Variants in GRM5 observed in about 807,000 individuals in gnomAD.
The protein encoded by GRM5 is metabotropic glutamate receptor 5.
GRM5 carries 19 observed loss-of-function variants against 83.1 expected under a neutral mutation model. The ratio of observed to expected loss-of-function variants is 0.23; its 90% CI spans 0.16 to 0.34. The LOEUF (loss-of-function observed/expected upper bound fraction) is 0.34, where lower values mean the gene tolerates loss of function less well. Among genes scored for constraint, GRM5 ranks in the 10% least tolerant of loss-of-function variants. GRM5 has a pLI of 1.00. For missense variants in GRM5, 1,160 were observed against 1,588.3 expected (o/e 0.73, Z 4.58); for synonymous variants, 675 against 633.6 (o/e 1.07, Z -0.98).
intron 3 of GRM5, among the ~76,000 whole-genome samples, chr11:88,694,637 G>T (rs1940859362): frequency 1.3e-5 from 2 of 151,776 alleles, no homozygotes; most frequent in Admixed American, 1.3e-4. Flanking sequence ...ATTCTTCAGG[G>T]TCCCAGATGC....
intron 3 of GRM5, among the ~76,000 whole-genome samples, chr11:88,724,378 T>C (rs1480440082): frequency 1.4e-5 from 2 of 147,354 alleles, no homozygotes; most frequent in Admixed American, 1.4e-4. Context: ...TAAAGTTACT[T>C]GCTTCCCAAT....
At chr11:88,583,987 A>AT (rs1455684059) in intron 7 of GRM5, among the ~76,000 whole-genome samples, 1 of 152,074 alleles carries the variant, frequency 6.6e-6, no homozygotes, top group Admixed American at 6.6e-5. Context: ...ATTCACATGG[A>AT]TTTTTGCAAA....
intron 8 of GRM5, among the ~76,000 whole-genome samples, chr11:88,548,864 G>A (rs958527670): frequency 6.6e-6 from 1 of 152,152 alleles, no homozygotes; most frequent in African/African-American, 2.4e-5. Flanking sequence ...AATCTTTGCT[G>A]GTCACCCAGC....
intron 4 of GRM5, among the ~76,000 whole-genome samples, chr11:88,613,216 AT>A (rs1355583771): frequency 6.6e-6 from 1 of 152,098 alleles, no homozygotes; most frequent in Non-Finnish European, 1.5e-5. Context: ...ATTAGCTCCA[AT>A]TGGTCAAGTC....
Position 88,762,730 on chromosome 11 carries a change from A to G in GRM5, c.911+87176T>C, listed in dbSNP as rs762929649. ...TTCTATCATAAAGACACATGCACAT[A>G]TAAGTTATTCATAATAGTAAAGACA... On this transcript the variant is annotated intron_variant, in intron 3 of 9. Transcript: ENST00000305447. 7.3e-5 allele frequency among the ~76,000 whole-genome samples: 11 copies of G among 151,290 alleles called. No homozygotes were observed. In the South Asian group the frequency reaches 1.2e-3, roughly 17 times the overall value.
chr11:89,004,043 T>C (rs1390664781), intron 2 of GRM5, among the ~76,000 whole-genome samples: 2 of 152,158 alleles, frequency 1.3e-5, no homozygotes, highest in African/African-American at 2.4e-5. Flanking sequence ...GCAAGATCAA[T>C]AGTGAGTTGT....
chr11:88,529,300 G>C (rs796927719), intron 8 of GRM5, among the ~76,000 whole-genome samples: 15 of 151,530 alleles, frequency 9.9e-5, no homozygotes, highest in African/African-American at 3.4e-4. Context: ...AACAATGTAA[G>C]AAGTTTTATT....
chr11:88,825,891 G>C lies in GRM5; in HGVS notation c.911+24015C>G, dbSNP rs72952915. Among the ~76,000 whole-genome samples, 294 of 152,134 alleles carry C rather than the reference G, an allele frequency of 1.9e-3. 2 individuals are homozygous for C. The highest frequency in any genetic ancestry group is 2.4e-3 in the Non-Finnish European group (163 of 67,968). ...AATTCATTTCACCTGTTAACACAAG[G>C]CATGCCCAAACATTACTCTAAACAT... On this transcript the variant is annotated intron_variant, in intron 3 of 9. Transcript: ENST00000305447.
chr11:88,819,546 G>T (rs1183704331), intron 3 of GRM5, among the ~76,000 whole-genome samples: 1 of 152,070 alleles, frequency 6.6e-6, no homozygotes, highest in Non-Finnish European at 1.5e-5. Flanking sequence ...AAACAAAAAT[G>T]AAAGAATTCA....
chr11:88,964,087 T>G (rs531954266), intron 2 of GRM5, among the ~76,000 whole-genome samples: 40 of 152,250 alleles, frequency 2.6e-4, no homozygotes, highest in African/African-American at 9.6e-4. Context: ...GACTGAAAAT[T>G]TTATAATTTG....
intron 8 of GRM5, among the ~76,000 whole-genome samples, chr11:88,526,600 T>C (rs1207546885): frequency 6.6e-6 from 1 of 152,160 alleles, no homozygotes; most frequent in East Asian, 1.9e-4. Context: ...ATAATAAGAC[T>C]TGTTTATCTC....
At chr11:88,968,600 C>G (rs1591005709) in intron 2 of GRM5, among the ~76,000 whole-genome samples, 1 of 152,116 alleles carries the variant, frequency 6.6e-6, no homozygotes, top group Non-Finnish European at 1.5e-5. Context: ...CGCTTGAGGC[C>G]AGGAGTTTGG....
chr11:88,583,232 C>A (rs1356574990), intron 7 of GRM5, among the ~76,000 whole-genome samples: 1 of 152,048 alleles, frequency 6.6e-6, no homozygotes, highest in East Asian at 1.9e-4. Context: ...AGTGGTTACA[C>A]CTCTTGGAGC....
At chr11:88,862,876 G>T (rs552786463) in intron 2 of GRM5, among the ~76,000 whole-genome samples, 32 of 152,084 alleles carry the variant, frequency 2.1e-4, no homozygotes, top group African/African-American at 6.7e-4. Context: ...TCTGACAATG[G>T]TCTAATATCC....
At chr11:88,550,913 C>A (rs1942492934) in intron 8 of GRM5, among the ~76,000 whole-genome samples, 1 of 152,114 alleles carries the variant, frequency 6.6e-6, no homozygotes, top group African/African-American at 2.4e-5. Flanking sequence ...AATTTAAAGT[C>A]CAATCCTTTC....
intron 3 of GRM5, among the ~76,000 whole-genome samples, chr11:88,699,347 A>G (rs1432210667): frequency 6.6e-6 from 1 of 152,120 alleles, no homozygotes; most frequent in East Asian, 1.9e-4. Context: ...AGAGTTTCCA[A>G]ACTTCTCCCA....
At chr11:88,829,935 A>G (rs553662500) in intron 3 of GRM5, among the ~76,000 whole-genome samples, 2 of 152,248 alleles carry the variant, frequency 1.3e-5, no homozygotes, top group East Asian at 3.9e-4. Flanking sequence ...CAATGATTAT[A>G]AAGCCAAAGA....
intron 3 of GRM5, among the ~76,000 whole-genome samples, chr11:88,734,554 G>C (rs1941873547): frequency 6.6e-6 from 1 of 151,972 alleles, no homozygotes; most frequent in Non-Finnish European, 1.5e-5. Context: ...ATGAATGACT[G>C]AAGTTCAGGA....
chr11:88,971,058 A>AAATTAGGAAATTCATTTAGGGTAGTGG lies in GRM5; in HGVS notation c.661+76127_661+76153dup, dbSNP rs545872382. Among the ~76,000 whole-genome samples, 378 of 152,210 alleles carry AAATTAGGAAATTCATTTAGGGTAGTGG rather than the reference A, an allele frequency of 2.5e-3. 1 individual carries two copies. The highest frequency in any genetic ancestry group is 8.5e-3 in the African/African-American group (353 of 41,530). On this transcript the variant is annotated intron_variant, in intron 2 of 9. Transcript: ENST00000305447. ...TTTGTTAACAACGGCAGGACTGAAT[A>AAATTAGGAAATTCATTTAGGGTAGTGG]AATTAGGAAATTCATTTAGGGTAGT...
Sources: allele counts gnomAD v4.1 joint callset (sites outside exome capture counted in the v4.1 genomes callset), GRCh38; gene constraint gnomAD v4.1.1; transcripts MANE v1.5; gene names NCBI Gene and HGNC (gene_info 2026-07-23, HGNC 2026-07-21).